Variants in GLIS3 observed in about 807,000 individuals in gnomAD.
GLIS3 encodes zinc finger protein GLIS3.
GLIS3 carries 53 observed loss-of-function variants against 78.6 expected under a neutral mutation model. That is an observed-to-expected ratio of 0.67 (90% CI 0.54 to 0.85). GLIS3 has a LOEUF of 0.85. Among genes scored for constraint, GLIS3 ranks in the 40% least tolerant of loss-of-function variants. GLIS3 has a pLI of 0.00. For missense variants in GLIS3, 1,703 were observed against 1,231.1 expected, an observed-to-expected ratio of 1.38 and a Z score of -5.74; for synonymous variants, 684 against 509.9, an observed-to-expected ratio of 1.34 and a Z score of -4.60.
the GLIS3 span, among the ~76,000 whole-genome samples, chr9:4,373,139 G>A: frequency 6.6e-6 from 1 of 152,290 alleles, no homozygotes; most frequent in Non-Finnish European, 1.5e-5. Flanking sequence ...GGGCTTTTGT[G>A]ATTTCCCCAT....
At chr9:4,386,945 G>A in the GLIS3 span, among the ~76,000 whole-genome samples, 2 of 152,136 alleles carry the variant, frequency 1.3e-5, no homozygotes. Flanking sequence ...AGTCCCTGTT[G>A]AGGATCACAG....
intron 6 of GLIS3, among the ~76,000 whole-genome samples, chr9:3,906,365 A>C (rs966464667): frequency 6.6e-6 from 1 of 152,204 alleles, no homozygotes; most frequent in Non-Finnish European, 1.5e-5. Context: ...GGGGGTGAGA[A>C]GTGGTCCAGC....
intron 2 of GLIS3, among the ~76,000 whole-genome samples, chr9:4,197,376 A>T (rs1303824478): frequency 6.6e-6 from 1 of 150,636 alleles, no homozygotes; most frequent in Non-Finnish European, 1.5e-5. Flanking sequence ...TGGTACAGGG[A>T]GGCATTCTCT....
chr9:4,212,880 G>C (rs1820495682), intron 2 of GLIS3, among the ~76,000 whole-genome samples: 2 of 152,166 alleles, frequency 1.3e-5, no homozygotes, highest in African/African-American at 4.8e-5. Context: ...TACCCTGAGG[G>C]GTATGGGGAG....
At chr9:4,340,541 G>C (rs1223460521) in intron 2 of GLIS3, among the ~76,000 whole-genome samples, 1 of 152,134 alleles carries the variant, frequency 6.6e-6, no homozygotes, top group Non-Finnish European at 1.5e-5. Flanking sequence ...CTAGGGTTAA[G>C]CTTCTGTGTA....
chr9:4,218,309 A>G (rs1821030590), intron 2 of GLIS3, among the ~76,000 whole-genome samples: 1 of 151,590 alleles, frequency 6.6e-6, no homozygotes. Flanking sequence ...TTTGAGATGG[A>G]GTCTCGCTCT....
intron 2 of GLIS3, among the ~76,000 whole-genome samples, chr9:4,241,767 C>G (rs1208136197): frequency 6.6e-6 from 1 of 152,198 alleles, no homozygotes; most frequent in Non-Finnish European, 1.5e-5. Flanking sequence ...ACTGCAACCC[C>G]TGCCTCCTGA....
chr9:4,166,675 C>T (rs1308262894), intron 2 of GLIS3, among the ~76,000 whole-genome samples: 4 of 152,178 alleles, frequency 2.6e-5, no homozygotes, highest in East Asian at 1.9e-4. Context: ...TTATGATTTT[C>T]GGTGTTCTAT....
intron 3 of GLIS3, among the ~76,000 whole-genome samples, chr9:4,121,624 C>CAG (rs1832189956): frequency 7.4e-6 from 1 of 134,484 alleles, no homozygotes; most frequent in African/African-American, 3.2e-5. Context: ...CCCAGTGACA[C>CAG]ACACACACAC....
At chr9:4,360,629 T>A in the GLIS3 span, among the ~76,000 whole-genome samples, 15 of 152,336 alleles carry the variant, frequency 9.8e-5, no homozygotes, top group East Asian at 2.9e-3. Flanking sequence ...ATGAGAGATA[T>A]CCAGTCCTTT....
chr9:4,183,524 T>C (rs954149526), intron 2 of GLIS3, among the ~76,000 whole-genome samples: 1 of 152,206 alleles, frequency 6.6e-6, no homozygotes, highest in Non-Finnish European at 1.5e-5. Flanking sequence ...TGAAAGCCTA[T>C]GAATTTTTTT....
At chr9:4,430,192 C>T in the GLIS3 span, among the ~76,000 whole-genome samples, 2 of 152,160 alleles carry the variant, frequency 1.3e-5, no homozygotes, top group African/African-American at 4.8e-5. Flanking sequence ...GGAAACCACA[C>T]CAAGCTAGAA....
chr9:4,097,828 G>C (rs928441463), intron 4 of GLIS3, among the ~76,000 whole-genome samples: 1 of 152,154 alleles, frequency 6.6e-6, no homozygotes, highest in Admixed American at 6.5e-5. Flanking sequence ...CACAAAAGCA[G>C]TGGGAAGGCC....
Position 3,826,435 on chromosome 9 carries a change from C to G in GLIS3, c.*1837G>C, listed in dbSNP as rs2129898742. The G allele has an allele frequency of 6.8e-6, 1 of 147,088 alleles. No individual in the cohort carries two copies. Among genetic ancestry groups the G allele is most frequent in the East Asian group, 2.0e-4 (1 of 4,902 alleles). The allele number at this position is 147,088 out of a possible 1,614,324, so 9.1% of individuals were successfully genotyped here. The stretch of plus-strand genomic sequence containing the variant: ...CCTTGGAGTTCACTTGTAAAGGAAG[C>G]CTGGTGTGCATCTTTTGTAAAGCAG... On this transcript the variant is annotated 3_prime_UTR_variant, in exon 11 of 11. Transcript: ENST00000381971.
chr9:4,215,371 A>G (rs1820732418), intron 2 of GLIS3, among the ~76,000 whole-genome samples: 1 of 152,020 alleles, frequency 6.6e-6, no homozygotes, highest in Non-Finnish European at 1.5e-5. Flanking sequence ...ATACATATGC[A>G]TATGTAATAT....
At chr9:3,978,287 A>C (rs1299802299) in intron 4 of GLIS3, among the ~76,000 whole-genome samples, 1 of 152,212 alleles carries the variant, frequency 6.6e-6, no homozygotes, top group East Asian at 1.9e-4. Flanking sequence ...TACATGAAGA[A>C]AAACATTGGC....
intron 2 of GLIS3, among the ~76,000 whole-genome samples, chr9:4,229,258 C>T (rs1222907203): frequency 2.0e-5 from 3 of 152,180 alleles, no homozygotes; most frequent in African/African-American, 7.2e-5. Context: ...ATCGCTTTCA[C>T]TTTGTGCAAA....
Position 4,347,875 on chromosome 9 carries a change from G to A in GLIS3, n.161+357C>T, listed in dbSNP as rs1817915415. Among the ~76,000 whole-genome samples the A allele has an allele frequency of 3.3e-5, 5 of 152,018 alleles. No homozygotes were observed. In the South Asian group the frequency reaches 1.0e-3, roughly 32 times the overall value. ...TTAGCCTTTTGACTGTGGCTCATTA[G>A]CCATTCTAGTAAAGGGAACAATAGA... is the stretch of plus-strand genomic sequence containing the variant. On this transcript the variant is annotated intron_variant and non_coding_transcript_variant, in intron 1 of 4. Transcript: ENST00000471664.
chr9:3,869,642 T>G (rs1284336656), intron 8 of GLIS3, among the ~76,000 whole-genome samples: 1 of 152,180 alleles, frequency 6.6e-6, no homozygotes, highest in Non-Finnish European at 1.5e-5. Flanking sequence ...AATTGTTGCT[T>G]TCTGGAAAGA....
Sources: allele counts gnomAD v4.1 joint callset (sites outside exome capture counted in the v4.1 genomes callset), GRCh38; gene constraint gnomAD v4.1.1; transcripts MANE v1.5; gene names NCBI Gene and HGNC (gene_info 2026-07-23, HGNC 2026-07-21).